The following WDR59 variants were observed in gnomAD, a reference collection of about 807,000 sequenced individuals.
The protein encoded by WDR59 is GATOR2 complex protein WDR59.
In WDR59, 100 loss-of-function variants were observed where a neutral mutation model predicts 131.2. The ratio of observed to expected loss-of-function variants is 0.76; its 90% CI spans 0.65 to 0.90. The LOEUF is 0.90. Ranked by LOEUF, WDR59 falls within the 40% of genes least tolerant of loss-of-function variation. WDR59 has a pLI of 0.00. For missense variants in WDR59, 1,203 were observed against 1,262.2 expected, an observed-to-expected ratio of 0.95 and a Z score of 0.71; for synonymous variants, 601 against 466.2, an observed-to-expected ratio of 1.29 and a Z score of -3.72.
chr16:74,928,568 A>G (rs1256172221), intron 8 of WDR59, among the ~76,000 whole-genome samples: 1 of 152,006 alleles, frequency 6.6e-6, no homozygotes, highest in Non-Finnish European at 1.5e-5. Flanking sequence ...GGATAGCTAC[A>G]TTGAAAGAAG....
At chr16:74,942,614 G>A in intron 7 of WDR59, 124 bp downstream of exon 7, 2 of 858,600 alleles carry the variant, frequency 2.3e-6, no homozygotes, top group Non-Finnish European at 3.8e-6. Context: ...GCTTAAAATG[G>A]TCATTTACCA....
chr16:74,922,149 G>C lies in WDR59; in HGVS notation c.730-46C>G, dbSNP rs147437272. ...GCAGGTGATTAGATTATTTCAGGGA[G>C]AATCAGCTGAGTCTTGAGTTTCCAA... On this transcript the variant is annotated intron_variant, in intron 9 of 25. Coordinates refer to ENST00000262144, the MANE Select transcript of WDR59 (RefSeq NM_030581.4). The C allele has an allele frequency of 2.6e-5, 42 of 1,604,186 alleles. No individual in the cohort carries two copies. In the African/African-American group the frequency reaches 4.8e-4, roughly 18 times the overall value.
At chr16:74,878,272 T>C (rs975652612) in intron 25 of WDR59, among the ~76,000 whole-genome samples, 1 of 152,246 alleles carries the variant, frequency 6.6e-6, no homozygotes, top group African/African-American at 2.4e-5. Context: ...TCTTTCAAGA[T>C]CAATTGAAGG....
chr16:74,933,607 T>TG (rs1254760005), intron 8 of WDR59, among the ~76,000 whole-genome samples: 1 of 152,152 alleles, frequency 6.6e-6, no homozygotes, highest in Non-Finnish European at 1.5e-5. Context: ...TTTATTGAGA[T>TG]GGAGTTTAGC....
chr16:74,930,053 G>A (rs181546941), intron 8 of WDR59, among the ~76,000 whole-genome samples: 44 of 152,120 alleles, frequency 2.9e-4, no homozygotes, highest in African/African-American at 9.2e-4. Flanking sequence ...GGGGTAGAGC[G>A]GGGGGAGCCA....
chr16:74,948,170 G>C (rs2032765884), intron 6 of WDR59, among the ~76,000 whole-genome samples: 1 of 152,212 alleles, frequency 6.6e-6, no homozygotes, highest in South Asian at 2.1e-4. Context: ...AGTGTTGAAG[G>C]TGACGATGAA....
In WDR59 at chr16:74,907,221, CTCTT is replaced by C. The variant is rs1206660050; in HGVS notation, c.1712+1683_1712+1686del. 2.6e-5 allele frequency among the ~76,000 whole-genome samples: 4 copies of C among 151,968 alleles called. No homozygotes were observed. The East Asian group carries it at 7.7e-4, about 29-fold the overall frequency. ...ACACAGTTCTCTCATCCAGTTCTCT[CTCTT>C]TCTTGTTAGCTCAGCTATTCATTCA... On this transcript the variant is annotated intron_variant, in intron 17 of 25. Transcript: ENST00000262144.
rs950799000 is a variant in WDR59 at position 74,914,932 on chromosome 16, C to T, written c.1224+938G>A. On this transcript the variant is annotated intron_variant, in intron 13 of 25. Coordinates refer to ENST00000262144, the MANE Select transcript of WDR59 (RefSeq NM_030581.4). ...AAAGCCACATGAGATAGTTATGTAA[C>T]AGCACATATTTGGGTAAAGGAAAAA... Among the ~76,000 whole-genome samples, 4 of 152,138 alleles carry T rather than the reference C, an allele frequency of 2.6e-5. No homozygotes were observed. In the East Asian group the frequency reaches 7.7e-4, roughly 29 times the overall value.
rs149531060 is a variant in WDR59 at position 74,881,743 on chromosome 16, C to T, written c.2689+3910G>A. Among the ~76,000 whole-genome samples, 351 of 151,814 alleles carry T rather than the reference C, an allele frequency of 2.3e-3. 1 individual carries two copies. The highest frequency in any genetic ancestry group is 7.4e-3 in the African/African-American group (306 of 41,394). ...TAAAAATTAGCTGGGCGTAGTGGCA[C>T]ATGCCTGTAATCCCAGCTACTCAGG... On this transcript the variant is annotated intron_variant, in intron 25 of 25. Coordinates refer to ENST00000262144, the MANE Select transcript of WDR59 (RefSeq NM_030581.4).
At chr16:74,919,498 A>G (rs2029954316) in intron 10 of WDR59, among the ~76,000 whole-genome samples, 1 of 125,928 alleles carries the variant, frequency 7.9e-6, no homozygotes, top group Admixed American at 8.0e-5. Flanking sequence ...ACACCTGGCT[A>G]ATTTTTTTTT....
At chr16:74,959,353 AT>A in intron 2 of WDR59, 1 of 280,532 alleles carries the variant, frequency 3.6e-6, no homozygotes, top group Non-Finnish European at 7.1e-6. Context: ...TTCCCACCTG[AT>A]CTCCTCCACC....
intron 4 of WDR59, among the ~76,000 whole-genome samples, chr16:74,950,711 C>T (rs565892014): frequency 6.6e-6 from 1 of 152,278 alleles, no homozygotes; most frequent in South Asian, 2.1e-4. Flanking sequence ...CGGCTGTGCC[C>T]TTGGGTAATG....
chr16:74,919,316 G>C (rs1415751724), intron 10 of WDR59, among the ~76,000 whole-genome samples: 1 of 151,514 alleles, frequency 6.6e-6, no homozygotes, highest in Non-Finnish European at 1.5e-5. Context: ...TTTGCTCTTG[G>C]AACACCTTTT....
chr16:74,892,146 A>G (rs1965073931), intron 20 of WDR59, among the ~76,000 whole-genome samples: 1 of 152,226 alleles, frequency 6.6e-6, no homozygotes, highest in Non-Finnish European at 1.5e-5. Flanking sequence ...TTTGGTAAAT[A>G]TTTCATAAAA....
intron 19 of WDR59, among the ~76,000 whole-genome samples, 185 bp from the exon 20 acceptor site, chr16:74,892,750 A>G (rs1406642335): frequency 1.3e-5 from 2 of 152,196 alleles, no homozygotes; most frequent in Non-Finnish European, 2.9e-5. Flanking sequence ...AGCTGAAGCT[A>G]ATACATCTGT....
At position 74,893,774 on chromosome 16, in the gene WDR59, G is replaced by A; in HGVS notation, c.1905C>T (p.Asp635=). 1.9e-6 allele frequency: 3 copies of A among 1,614,198 alleles called. No individual in the cohort carries two copies. Among genetic ancestry groups the A allele is most frequent in the Admixed American group, 1.7e-5 (1 of 60,022 alleles). The part of the protein sequence containing the change: ...RRWKSKREGS[D]SGNRQIKAAG... ...CAGCCTTGATCTGTCGATTGCCAGA[G>A]TCTGATCCCTCACGCTTACTTTTCC... The change falls in exon 19 of 26, where the codon GAC becomes GAT. Residue 635 remains aspartate (D), a synonymous_variant. Transcript: ENST00000262144.
intron 18 of WDR59, among the ~76,000 whole-genome samples, chr16:74,894,269 C>T (rs1266338827): frequency 6.6e-6 from 1 of 152,174 alleles, no homozygotes; most frequent in African/African-American, 2.4e-5. Context: ...GTGGGCTCTG[C>T]AAACCTTAAT....
chr16:74,939,180 A>G (rs895144743), intron 7 of WDR59, among the ~76,000 whole-genome samples: 34 of 151,958 alleles, frequency 2.2e-4, no homozygotes, highest in Admixed American at 2.1e-3. Context: ...GCCTCAAGCA[A>G]TCCTCTTGCC....
chr16:74,982,961 C>T (rs1325303830), intron 1 of WDR59, among the ~76,000 whole-genome samples: 1 of 152,166 alleles, frequency 6.6e-6, no homozygotes, highest in Non-Finnish European at 1.5e-5. Context: ...TAGTGTATAC[C>T]TGAAGGGAGC....
Sources: gnomAD v4.1 joint callset for allele counts (sites outside exome capture counted in the v4.1 genomes callset) on GRCh38, gnomAD v4.1.1 for gene constraint, MANE v1.5 for transcripts, NCBI Gene and HGNC (gene_info 2026-07-23, HGNC 2026-07-21) for gene names.